The following DOCK3 variants were observed in gnomAD, a reference collection of about 807,000 sequenced individuals.
DOCK3 encodes the protein dedicator of cytokinesis 3.
DOCK3 carries 60 observed loss-of-function variants against 265.6 expected under a neutral mutation model. That is an observed-to-expected ratio of 0.23 (90% CI 0.18 to 0.28). The LOEUF is 0.28. Among genes scored for constraint, DOCK3 ranks in the 10% least tolerant of loss-of-function variants. The probability of loss-of-function intolerance (pLI) is 1.00; values close to 1 mark genes in which losing one functional copy is unlikely to be tolerated. For missense variants in DOCK3, 1,981 were observed against 2,594.3 expected (o/e 0.76, Z 5.14); for synonymous variants, 881 against 938.0 (o/e 0.94, Z 1.11).
intron 38 of DOCK3, among the ~76,000 whole-genome samples, chr3:51,344,003 G>T (rs1190603516): frequency 1.3e-5 from 2 of 152,204 alleles, no homozygotes; most frequent in African/African-American, 2.4e-5. Flanking sequence ...TTTAGAGAAG[G>T]AAGGGGTGAT....
At chr3:51,232,334 A>G (rs944699991) in intron 19 of DOCK3, among the ~76,000 whole-genome samples, 2 of 152,158 alleles carry the variant, frequency 1.3e-5, no homozygotes, top group African/African-American at 4.8e-5. Flanking sequence ...TGCCATAAAT[A>G]TGCATGTGCG....
chr3:50,975,249 C>T (rs1427106230), intron 5 of DOCK3, among the ~76,000 whole-genome samples: 3 of 150,434 alleles, frequency 2.0e-5, no homozygotes, highest in Admixed American at 1.3e-4. Flanking sequence ...CCAGTTTTTG[C>T]CCATTCAGTA....
At chr3:50,676,199 T>A (rs1559501891) in intron 1 of DOCK3, among the ~76,000 whole-genome samples, 1 of 152,210 alleles carries the variant, frequency 6.6e-6, no homozygotes, top group Non-Finnish European at 1.5e-5. Flanking sequence ...TGTCTAAACA[T>A]AGATTTTTGT....
rs1203876821 is a variant in DOCK3 at position 51,249,634 on chromosome 3, G to A, written c.2184+2827G>A. ...AGCCCCCCGCCCGGCCAGCCGTCCC[G>A]TCCGGGAGGGAGGTGGGGGGGGGTC... On this transcript the variant is annotated intron_variant, in intron 22 of 52. Coordinates refer to ENST00000266037, the MANE Select transcript of DOCK3 (RefSeq NM_004947.5). 4.7e-5 allele frequency among the ~76,000 whole-genome samples: 2 copies of A among 42,208 alleles called. 1 individual carries two copies. The highest frequency in any genetic ancestry group is 1.9e-3 in the East Asian group (2 of 1,076). 27.7% of individuals were successfully genotyped at this position (42,208 alleles called of 152,430 possible).
chr3:50,973,369 ATGAG>A (rs1189400012), intron 5 of DOCK3, among the ~76,000 whole-genome samples: 4 of 139,124 alleles, frequency 2.9e-5, no homozygotes, highest in African/African-American at 1.1e-4. Flanking sequence ...ATTCCCACCT[ATGAG>A]TGAGAATATG....
At chr3:50,945,653 A>T (rs189002625) in intron 5 of DOCK3, among the ~76,000 whole-genome samples, 45 of 152,308 alleles carry the variant, frequency 3.0e-4, no homozygotes, top group Non-Finnish European at 5.1e-4. Flanking sequence ...TCATAACAGA[A>T]TATGCAAAAT....
intron 3 of DOCK3, among the ~76,000 whole-genome samples, chr3:50,869,853 A>AT (rs2047352877): frequency 1.3e-5 from 2 of 152,042 alleles, no homozygotes; most frequent in African/African-American, 4.8e-5. Flanking sequence ...GAAATTTGTC[A>AT]TTTTTTAAAA....
At chr3:50,970,894 TATATA>T in intron 5 of DOCK3, among the ~76,000 whole-genome samples, 4 of 5,666 alleles carry the variant, frequency 7.1e-4, no homozygotes, top group Admixed American at 2.0e-3. Context: ...CTAATTTTTA[TATATA>T]TATATATATA....
At chr3:51,260,827 C>G (rs1044771834) in intron 23 of DOCK3, among the ~76,000 whole-genome samples, 1 of 151,390 alleles carries the variant, frequency 6.6e-6, no homozygotes, top group East Asian at 1.9e-4. Flanking sequence ...ACTAAAAATA[C>G]AAAAAAATTA....
chr3:51,366,116 T>C (rs1172662998), intron 49 of DOCK3, among the ~76,000 whole-genome samples: 2 of 152,154 alleles, frequency 1.3e-5, no homozygotes, highest in Non-Finnish European at 2.9e-5. Context: ...CCATCTGGTC[T>C]TGGACTTTTT....
At chr3:50,690,621 G>T (rs527382891) in intron 1 of DOCK3, among the ~76,000 whole-genome samples, 4 of 151,668 alleles carry the variant, frequency 2.6e-5, no homozygotes, top group Non-Finnish European at 4.4e-5. Context: ...TCATTCGTTC[G>T]TTCGTTCATT....
intron 5 of DOCK3, among the ~76,000 whole-genome samples, chr3:51,017,415 G>C (rs1395341862): frequency 6.6e-6 from 1 of 151,230 alleles, no homozygotes; most frequent in Non-Finnish European, 1.5e-5. Context: ...AGTTTGGTTT[G>C]TGCTTGCTTT....
intron 35 of DOCK3, among the ~76,000 whole-genome samples, chr3:51,338,057 A>G (rs1364619401): frequency 2.0e-5 from 3 of 152,268 alleles, no homozygotes; most frequent in East Asian, 1.9e-4. Context: ...CACTTAATTC[A>G]TATACCCTTT....
At chr3:50,786,861 A>G in intron 2 of DOCK3, 4 of 740,934 alleles carry the variant, frequency 5.4e-6, no homozygotes, top group Admixed American at 3.5e-5. Flanking sequence ...CAGTTCTCGC[A>G]TCTGAAGGAC....
intron 5 of DOCK3, among the ~76,000 whole-genome samples, chr3:50,961,142 G>A (rs1032681300): frequency 1.3e-5 from 2 of 152,148 alleles, no homozygotes; most frequent in African/African-American, 4.8e-5. Context: ...TAACAAGTGC[G>A]AGTCCTTCAG....
intron 3 of DOCK3, among the ~76,000 whole-genome samples, chr3:50,845,598 C>T (rs190682731): frequency 1.3e-5 from 2 of 152,010 alleles, no homozygotes; most frequent in Admixed American, 1.3e-4. Flanking sequence ...TAGAGTCATA[C>T]GCCAAAGAAA....
intron 33 of DOCK3, among the ~76,000 whole-genome samples, chr3:51,331,874 G>A (rs2084542557): frequency 1.3e-5 from 2 of 152,216 alleles, no homozygotes; most frequent in African/African-American, 4.8e-5. Context: ...ATGCTTGTGT[G>A]CTCACAGAAC....
At chr3:51,083,317 T>C (rs763111242) in intron 7 of DOCK3, among the ~76,000 whole-genome samples, 11 of 152,054 alleles carry the variant, frequency 7.2e-5, no homozygotes, top group Non-Finnish European at 1.5e-4. Context: ...TGTAAACCAA[T>C]CTATAAAATT....
At chr3:50,898,120 G>T (rs528878841) in intron 4 of DOCK3, among the ~76,000 whole-genome samples, 124 of 136,174 alleles carry the variant, frequency 9.1e-4, no homozygotes, top group Non-Finnish European at 1.7e-3. Flanking sequence ...GGCTTTTATT[G>T]GTTGGTAGGC....
Sources: gnomAD v4.1 joint callset for allele counts (sites outside exome capture counted in the v4.1 genomes callset) on GRCh38, gnomAD v4.1.1 for gene constraint, MANE v1.5 for transcripts, NCBI Gene and HGNC (gene_info 2026-07-23, HGNC 2026-07-21) for gene names.